TANC1: variants seen among roughly 807,000 people sequenced by gnomAD.
The protein encoded by TANC1 is protein TANC1.
Under a neutral mutation model 149.7 loss-of-function variants are expected in TANC1, and 77 were observed. The observed-to-expected ratio is 0.51, with a 90% confidence interval of 0.43 to 0.62. The LOEUF (loss-of-function observed/expected upper bound fraction) is 0.62. Ranked by LOEUF, TANC1 falls within the 20% of genes least tolerant of loss-of-function variation. TANC1 has a pLI of 0.00. For synonymous variants in TANC1, 854 were observed against 925.0 expected (o/e 0.92, Z 1.39); for missense variants, 1,985 against 2,321.8 (o/e 0.85, Z 2.98).
rs922805933 is a variant in TANC1 at position 159,231,340 on chromosome 2, T to A, written c.*328T>A. 4.6e-6 allele frequency: 1 copy of A among 218,194 alleles called. No individual in the cohort carries two copies. Among genetic ancestry groups the A allele is most frequent in the African/African-American group, 2.3e-5 (1 of 43,212 alleles). 13.5% of individuals were successfully genotyped at this position (218,194 alleles called of 1,614,324 possible). A position where few individuals can be genotyped will look rare whatever the true frequency, so the allele number is the denominator to read the frequency against. ...TGCTATATGGTAGAATCACAGAACTTACTTAGAGAATAAATATGTCTATTG... is the reference window on the plus strand; with the variant it reads ...TGCTATATGGTAGAATCACAGAACTAACTTAGAGAATAAATATGTCTATTG... On this transcript the variant is annotated 3_prime_UTR_variant, in exon 27 of 27. Coordinates refer to ENST00000263635, the MANE Select transcript of TANC1 (RefSeq NM_033394.3).
chr2:158,981,126 C>T (rs1296657250), intron 1 of TANC1, among the ~76,000 whole-genome samples: 2 of 151,990 alleles, frequency 1.3e-5, no homozygotes, highest in African/African-American at 2.4e-5. Flanking sequence ...GCACTTCCGA[C>T]CCCCTCTATG....
chr2:159,107,171 G>A (rs2047267884), intron 4 of TANC1, among the ~76,000 whole-genome samples: 1 of 152,118 alleles, frequency 6.6e-6, no homozygotes, highest in Non-Finnish European at 1.5e-5. Flanking sequence ...GGGACTAAAT[G>A]CATGTGCCAC....
At chr2:159,188,139 CTT>C (rs1428148697) in intron 16 of TANC1, among the ~76,000 whole-genome samples, 2 of 143,916 alleles carry the variant, frequency 1.4e-5, no homozygotes, top group South Asian at 2.1e-4. Flanking sequence ...AATCTTAAGT[CTT>C]TTCATTATCC....
intron 2 of TANC1, among the ~76,000 whole-genome samples, chr2:159,019,829 C>T (rs1034021608): frequency 1.3e-5 from 2 of 151,644 alleles, no homozygotes; most frequent in Non-Finnish European, 2.9e-5. Context: ...GACATGTTGG[C>T]CAGGCTGGTC....
At position 159,170,604 on chromosome 2, in the gene TANC1, G is replaced by C. The variant is rs758883707; in HGVS notation, c.1150G>C (p.Val384Leu). The C allele has an allele frequency of 9.9e-6, 16 of 1,614,024 alleles. No homozygotes were observed. The highest frequency in any genetic ancestry group is 1.3e-5 in the African/African-American group (1 of 74,910). Residue 384 changes from valine (V) to leucine (L), a missense_variant, in exon 10 of 27, where the codon GTG (valine) becomes CTG (leucine). This residue lies in a region of TANC1 where 557 missense variants were observed against 612.9 expected (regional missense o/e 0.91). Transcript: ENST00000263635. ...FEVPSITTDSVFVGRDWLFHQ... is the reference protein window; with the variant it reads ...FEVPSITTDSLFVGRDWLFHQ... Reference sequence around the variant, plus strand: ...AGTACCAAGCATAACAACAGACTCTGTGTTTGTGGGAAGGGATTGGCTCTT... The same window carrying C: ...AGTACCAAGCATAACAACAGACTCTCTGTTTGTGGGAAGGGATTGGCTCTT...
rs1177704239 is a variant in TANC1, at chr2:159,231,333, C to A, written c.*321C>A. On this transcript the variant is annotated 3_prime_UTR_variant, in exon 27 of 27. Coordinates refer to ENST00000263635, the MANE Select transcript of TANC1 (RefSeq NM_033394.3). ...TTGCCTTTGCTATATGGTAGAATCA[C>A]AGAACTTACTTAGAGAATAAATATG... 5 of 230,310 alleles carry A rather than the reference C, an allele frequency of 2.2e-5. No homozygotes were observed. The highest frequency in any genetic ancestry group is 8.2e-5 in the South Asian group (1 of 12,192). 14.3% of individuals were successfully genotyped at this position (230,310 alleles called of 1,614,324 possible).
intron 4 of TANC1, among the ~76,000 whole-genome samples, chr2:159,100,054 AATAG>A (rs1223531965): frequency 6.6e-6 from 1 of 152,174 alleles, no homozygotes; most frequent in Non-Finnish European, 1.5e-5. Context: ...ATCTCTATAT[AATAG>A]ATAATAGAGA....
chr2:159,154,315 A>T (rs894198862), intron 7 of TANC1, among the ~76,000 whole-genome samples: 3 of 152,198 alleles, frequency 2.0e-5, no homozygotes, highest in Admixed American at 1.3e-4. Flanking sequence ...CATGTTGGTT[A>T]TATTTAATCT....
intron 1 of TANC1, among the ~76,000 whole-genome samples, chr2:158,992,904 T>C (rs986095621): frequency 2.0e-5 from 3 of 152,166 alleles, no homozygotes; most frequent in Non-Finnish European, 2.9e-5. Context: ...TGTGGAACAT[T>C]GTGATTACTT....
At chr2:159,038,364 G>T (rs1485800290) in intron 2 of TANC1, among the ~76,000 whole-genome samples, 1 of 152,042 alleles carries the variant, frequency 6.6e-6, no homozygotes, top group African/African-American at 2.4e-5. Context: ...TTGTCTGATT[G>T]CCCTGGCCAG....
At chr2:159,222,816 CT>C (rs1398015533) in intron 22 of TANC1, among the ~76,000 whole-genome samples, 1 of 152,172 alleles carries the variant, frequency 6.6e-6, no homozygotes, top group Non-Finnish European at 1.5e-5. Flanking sequence ...AACTGCCCTA[CT>C]TTTTTTCCAC....
chr2:159,231,067 T>C lies in TANC1; in HGVS notation c.*55T>C, dbSNP rs2060312734. 7.3e-7 allele frequency: 1 copy of C among 1,362,308 alleles called. No individual in the cohort carries two copies. Among genetic ancestry groups the C allele is most frequent in the East Asian group, 2.3e-5 (1 of 43,184 alleles). The allele number at this position is 1,362,308 out of a possible 1,614,324, so 84.4% of individuals were successfully genotyped here. On this transcript the variant is annotated 3_prime_UTR_variant, in exon 27 of 27. Coordinates refer to ENST00000263635, the MANE Select transcript of TANC1 (RefSeq NM_033394.3). Reference sequence around the variant, plus strand: ...GGAAACGTGTGTTGACTCCTGGTGGTAAATTAAATAGTTTTTTTCATCAGA... The same window carrying C: ...GGAAACGTGTGTTGACTCCTGGTGGCAAATTAAATAGTTTTTTTCATCAGA...
chr2:159,215,703 C>G (rs1433812038), intron 19 of TANC1, among the ~76,000 whole-genome samples: 1 of 152,248 alleles, frequency 6.6e-6, no homozygotes, highest in African/African-American at 2.4e-5. Flanking sequence ...AGATGACCCT[C>G]TCCCGAGATG....
At chr2:159,221,269 T>TA (rs1161370610) in intron 22 of TANC1, among the ~76,000 whole-genome samples, 1 of 152,092 alleles carries the variant, frequency 6.6e-6, no homozygotes, top group Non-Finnish European at 1.5e-5. Context: ...TAATCCCAGC[T>TA]ACTCAGAAGG....
chr2:159,070,072 G>A (rs1328352479), intron 3 of TANC1, among the ~76,000 whole-genome samples: 1 of 152,106 alleles, frequency 6.6e-6, no homozygotes, highest in Admixed American at 6.5e-5. Flanking sequence ...GTGAACCACT[G>A]TGACTGGCTA....
chr2:159,202,073 G>A (rs527872961), intron 19 of TANC1, among the ~76,000 whole-genome samples: 2 of 152,338 alleles, frequency 1.3e-5, no homozygotes, highest in African/African-American at 2.4e-5. Context: ...GCAGAAGTGT[G>A]GTTGTCGTGC....
At chr2:159,034,988 A>C (rs1434819730) in intron 2 of TANC1, among the ~76,000 whole-genome samples, 1 of 152,198 alleles carries the variant, frequency 6.6e-6, no homozygotes, top group African/African-American at 2.4e-5. Flanking sequence ...TTGGACCGTC[A>C]CATGGAATCG....
chr2:159,090,901 G>T (rs1381378538), intron 3 of TANC1, among the ~76,000 whole-genome samples: 3 of 152,164 alleles, frequency 2.0e-5, no homozygotes, highest in Non-Finnish European at 4.4e-5. Context: ...GACAGCATGA[G>T]GTGTGACTGA....
intron 2 of TANC1, among the ~76,000 whole-genome samples, chr2:159,014,806 T>C (rs1456771444): frequency 6.6e-6 from 1 of 152,074 alleles, no homozygotes; most frequent in Non-Finnish European, 1.5e-5. Context: ...TCCAAACTGA[T>C]CTCCTTTGTC....
Sources: gnomAD v4.1 joint callset for allele counts (sites outside exome capture counted in the v4.1 genomes callset) on GRCh38, gnomAD v4.1.1 for gene constraint, gnomAD v4.1.1 regional missense constraint, MANE v1.5 for transcripts, NCBI Gene and HGNC (gene_info 2026-07-23, HGNC 2026-07-21) for gene names.